Variants in RAB11FIP3 observed in about 807,000 individuals in gnomAD.
RAB11FIP3 encodes the protein rab11 family-interacting protein 3.
RAB11FIP3 carries 17 observed loss-of-function variants against 77.8 expected under a neutral mutation model. The ratio of observed to expected loss-of-function variants is 0.22; its 90% CI spans 0.15 to 0.33. The LOEUF (loss-of-function observed/expected upper bound fraction) is 0.33. Among genes scored for constraint, RAB11FIP3 ranks in the 10% least tolerant of loss-of-function variants. The pLI, the probability that RAB11FIP3 is intolerant of heterozygous loss-of-function variation, is 1.00. For missense variants in RAB11FIP3, 1,005 were observed against 1,011.2 expected (o/e 0.99, Z 0.08); for synonymous variants, 437 against 448.2 (o/e 0.98, Z 0.31).
At position 499,076 on chromosome 16, in the gene RAB11FIP3, T is replaced by G. The variant is rs193149062; in HGVS notation, c.1301+2217T>G. Among the ~76,000 whole-genome samples, 480 of 152,068 alleles carry G rather than the reference T, an allele frequency of 3.2e-3. 9 individuals carry two copies. Among genetic ancestry groups the G allele is most frequent in the African/African-American group, 0.011 (455 of 41,486 alleles). ...AAAAATACAAGATTAGCCAGGTGTG[T>G]TAGCAGGTGCCTGTAATCCCAGCTA... is the stretch of plus-strand genomic sequence containing the variant. On this transcript the variant is annotated intron_variant, in intron 6 of 13. Coordinates refer to ENST00000262305, the MANE Select transcript of RAB11FIP3 (RefSeq NM_014700.4).
At chr16:499,484 G>A (rs1201940977) in intron 6 of RAB11FIP3, among the ~76,000 whole-genome samples, 1 of 152,002 alleles carries the variant, frequency 6.6e-6, no homozygotes, top group African/African-American at 2.4e-5. Flanking sequence ...TTCCTTCACG[G>A]GTACCCTTTG....
At position 471,163 on chromosome 16, in the gene RAB11FIP3, C is replaced by CA. The variant is rs1223658797; in HGVS notation, c.809-132_809-131insA. On this transcript the variant is annotated intron_variant, in intron 2 of 13. Transcript: ENST00000262305. The surrounding 1 kb of genome is among the most constrained non-coding windows in gnomAD (Gnocchi z 4.4). ...TGCTCACTCCCTTGCTTGTCTTGAC[C>CA]CCCCCCAGGGCCCCCAACTCCCACA... The CA allele has an allele frequency of 4.5e-5, 32 of 707,786 alleles. No individual in the cohort carries two copies. Among genetic ancestry groups the CA allele is most frequent in the Non-Finnish European group, 7.1e-5 (29 of 409,606 alleles). 43.8% of individuals were successfully genotyped at this position (707,786 alleles called of 1,614,324 possible). A position where few individuals can be genotyped will look rare whatever the true frequency, so the allele number is the denominator to read the frequency against.
chr16:475,059 C>G (rs1465529518), intron 3 of RAB11FIP3: 1 of 1,551,644 alleles, frequency 6.4e-7, no homozygotes, highest in Non-Finnish European at 8.7e-7. Context: ...TGTACAGAGC[C>G]AGGCCCAGCC....
Position 461,507 on chromosome 16 carries a change from C to A in RAB11FIP3, c.808+10C>A. ...GCCATCAGAAACGGAGGTCAGTCATCCCCGCCATGAGCTCCCACCTCCTCT... is the reference window on the plus strand; with the variant it reads ...GCCATCAGAAACGGAGGTCAGTCATACCCGCCATGAGCTCCCACCTCCTCT... On this transcript the variant is annotated intron_variant, in intron 2 of 13. Coordinates refer to ENST00000262305, the MANE Select transcript of RAB11FIP3 (RefSeq NM_014700.4). The surrounding 1 kb of genome is among the most constrained non-coding windows in gnomAD (Gnocchi z 4.5). The A allele has an allele frequency of 1.2e-6, 2 of 1,610,214 alleles. No individual in the cohort carries two copies. The highest frequency in any genetic ancestry group is 1.7e-6 in the Non-Finnish European group (2 of 1,177,066).
At chr16:443,892 A>G (rs1316633099) in intron 1 of RAB11FIP3, among the ~76,000 whole-genome samples, 8 of 152,210 alleles carry the variant, frequency 5.3e-5, no homozygotes, top group Non-Finnish European at 7.3e-5. Flanking sequence ...AGCATTTAAG[A>G]AAATATTTTC....
intron 5 of RAB11FIP3, among the ~76,000 whole-genome samples, chr16:494,630 A>T (rs1255309182): frequency 6.6e-6 from 1 of 152,114 alleles, no homozygotes; most frequent in East Asian, 1.9e-4. Context: ...TTAAAAAAAA[A>T]AACCTGTATT....
At chr16:482,229 G>A (rs540015332) in intron 3 of RAB11FIP3, 122 of 542,888 alleles carry the variant, frequency 2.2e-4, no homozygotes, top group Middle Eastern at 4.8e-4. Context: ...GGTAAGTTTT[G>A]TATTTTTGGT....
chr16:488,176 C>T (rs1021328275), intron 4 of RAB11FIP3, among the ~76,000 whole-genome samples: 3 of 152,062 alleles, frequency 2.0e-5, no homozygotes, highest in Non-Finnish European at 4.4e-5. Context: ...GTCAGGAGAT[C>T]GAGACCATCC....
At chr16:500,788 T>C (rs977816728) in intron 6 of RAB11FIP3, among the ~76,000 whole-genome samples, 2 of 148,734 alleles carry the variant, frequency 1.3e-5, no homozygotes, top group Non-Finnish European at 3.0e-5. Context: ...GGTGGCCACG[T>C]GTGGTGGCTG....
At chr16:497,235 C>T (rs998702005) in intron 6 of RAB11FIP3, 5 of 1,295,076 alleles carry the variant, frequency 3.9e-6, no homozygotes, top group Non-Finnish European at 5.1e-6. Context: ...CAAGGTGAGT[C>T]GAAGGTGAGG....
chr16:457,511 CTT>C (rs35462064), intron 1 of RAB11FIP3, among the ~76,000 whole-genome samples: 13 of 138,998 alleles, frequency 9.4e-5, no homozygotes, highest in Admixed American at 1.5e-4. Context: ...ACAGTTTCAC[CTT>C]TTTTTTTTTT....
At chr16:451,418 G>C (rs2055406395) in intron 1 of RAB11FIP3, 1 of 152,150 alleles carries the variant, frequency 6.6e-6, no homozygotes, top group Non-Finnish European at 1.5e-5. Context: ...GATGATTGGA[G>C]GGCAGCAGCC....
intron 4 of RAB11FIP3, among the ~76,000 whole-genome samples, chr16:484,474 C>T (rs1442655356): frequency 6.6e-6 from 1 of 152,140 alleles, no homozygotes; most frequent in African/African-American, 2.4e-5. Context: ...GCCTCAGCCT[C>T]CCGGGTAGCT....
At chr16:519,544 G>A (rs2032573790) in intron 10 of RAB11FIP3, among the ~76,000 whole-genome samples, 1 of 152,244 alleles carries the variant, frequency 6.6e-6, no homozygotes, top group Non-Finnish European at 1.5e-5. Context: ...GGCCCTCGTG[G>A]CCTGCGTGTG....
At chr16:449,982 A>G (rs1369008392) in intron 1 of RAB11FIP3, among the ~76,000 whole-genome samples, 2 of 151,884 alleles carry the variant, frequency 1.3e-5, no homozygotes, top group Non-Finnish European at 2.9e-5. Context: ...GATTAAGTTA[A>G]CCTCGTCACA....
At chr16:478,364 T>C (rs1181535798) in intron 3 of RAB11FIP3, among the ~76,000 whole-genome samples, 1 of 152,024 alleles carries the variant, frequency 6.6e-6, no homozygotes, top group African/African-American at 2.4e-5. Flanking sequence ...GGCTAATTTT[T>C]GTATTTTCAG....
At chr16:428,979 T>C (rs1179183896) in intron 1 of RAB11FIP3, among the ~76,000 whole-genome samples, 4 of 152,094 alleles carry the variant, frequency 2.6e-5, no homozygotes, top group African/African-American at 9.7e-5. Flanking sequence ...GGAAGGGATC[T>C]CCTGTGGTAT....
intron 1 of RAB11FIP3, among the ~76,000 whole-genome samples, chr16:448,824 A>T (rs2055361053): frequency 6.6e-6 from 1 of 151,892 alleles, no homozygotes; most frequent in South Asian, 2.1e-4. Flanking sequence ...CTGAAGCAGG[A>T]GAATCACTTG....
intron 1 of RAB11FIP3, among the ~76,000 whole-genome samples, chr16:457,919 G>C (rs1221761893): frequency 1.3e-5 from 2 of 152,330 alleles, no homozygotes; most frequent in Non-Finnish European, 2.9e-5. Flanking sequence ...ACTTTTGTGA[G>C]ATAAGTGGGG....
Sources: gnomAD v4.1 joint callset for allele counts (sites outside exome capture counted in the v4.1 genomes callset) on GRCh38, gnomAD v4.1.1 for gene constraint, Gnocchi (gnomAD v3.1) non-coding constraint, MANE v1.5 for transcripts, NCBI Gene and HGNC (gene_info 2026-07-23, HGNC 2026-07-21) for gene names.